ARHGEF16: variants seen among roughly 807,000 people sequenced by gnomAD.
The protein encoded by ARHGEF16 is Rho guanine exchange factor (GEF) 16.
ARHGEF16 carries 59 observed loss-of-function variants against 74.1 expected under a neutral mutation model. The ratio of observed to expected loss-of-function variants is 0.80; its 90% confidence interval spans 0.65 to 0.99. The LOEUF (loss-of-function observed/expected upper bound fraction) is 0.99, where lower values mean the gene tolerates loss of function less well. ARHGEF16 is among the 50% of genes least tolerant of loss of function. The pLI is 0.00. For synonymous variants in ARHGEF16, 415 were observed against 412.6 expected, an observed-to-expected ratio of 1.01 and a Z score of -0.07; for missense variants, 948 against 986.6, an observed-to-expected ratio of 0.96 and a Z score of 0.52.
Position 3,476,070 on chromosome 1 carries a change from G to T in ARHGEF16, c.1473+8G>T. 1 of 1,549,648 alleles carries T rather than the reference G, an allele frequency of 6.5e-7. No individual in the cohort carries two copies. The highest frequency in any genetic ancestry group is 8.7e-7 in the Non-Finnish European group (1 of 1,146,454). On this transcript the variant is annotated splice_region_variant and intron_variant, in intron 10 of 14. Coordinates refer to ENST00000378378, the MANE Select transcript of ARHGEF16 (RefSeq NM_014448.4). ...GACTTCAGCAAGGTCAAGGTAGGTG[G>T]CCCCGGACATCAGGGCCACTCGGAC...
Position 3,480,497 on chromosome 1 carries a change from C to T in ARHGEF16, c.2040C>T (p.Pro680=), listed in dbSNP as rs368681773. The change falls in exon 15 of 15, where the codon CCC becomes CCT. Residue 680 remains proline, a synonymous_variant. Coordinates refer to ENST00000378378, the MANE Select transcript of ARHGEF16 (RefSeq NM_014448.4). ...GGGACGGAGAGACGGGATGGTTCCC[C>T]GAGGACTTTGCCCGCTTCATCACCA... ...RLRDGETGWF[P]EDFARFITSR... The T allele has an allele frequency of 1.1e-5, 18 of 1,612,492 alleles. No individual in the cohort carries two copies. Among genetic ancestry groups the T allele is most frequent in the African/African-American group, 4.0e-5 (3 of 74,948 alleles).
Position 3,478,586 on chromosome 1 carries a change from G to A in ARHGEF16, c.1788G>A (p.Glu596=). ...TTCGCAACAGCGAGGGCCGCCAGGAGCAGCTCCTGCTCTCCTCGGACTCCG... is the reference window on the plus strand; with the variant it reads ...TTCGCAACAGCGAGGGCCGCCAGGAACAGCTCCTGCTCTCCTCGGACTCCG... The part of the protein sequence containing the change: ...TLLRNSEGRQ[E]QLLLSSDSAS... The change falls in exon 12 of 15, where the codon GAG becomes GAA. Residue 596 remains glutamate (E), a synonymous_variant. Transcript: ENST00000378378. 2.5e-6 allele frequency: 4 copies of A among 1,611,996 alleles called. No individual in the cohort carries two copies. The highest frequency in any genetic ancestry group is 3.4e-6 in the Non-Finnish European group (4 of 1,179,546).
intron 1 of ARHGEF16, among the ~76,000 whole-genome samples, chr1:3,459,696 C>A (rs1022951272): frequency 6.6e-6 from 1 of 152,150 alleles, no homozygotes; most frequent in African/African-American, 2.4e-5. Context: ...ATGGCAGAGA[C>A]GCCAGAACAC....
intron 8 of ARHGEF16, 24 bp from the exon 9 acceptor site, chr1:3,474,684 G>A: frequency 6.2e-7 from 1 of 1,608,506 alleles, no homozygotes; most frequent in South Asian, 1.1e-5. Context: ...GGGACTTTCT[G>A]TCCCATGTCT....
intron 9 of ARHGEF16, 33 bp downstream of exon 9, chr1:3,474,815 GT>G: frequency 6.2e-7 from 1 of 1,604,652 alleles, no homozygotes; most frequent in Non-Finnish European, 8.5e-7. Flanking sequence ...CCCTACCCGA[GT>G]CCTGTACCCC....
Position 3,474,709 on chromosome 1 carries a change from C to A in ARHGEF16, c.1307C>A (p.Thr436Lys). 6.2e-7 allele frequency: 1 copy of A among 1,612,692 alleles called. No individual in the cohort carries two copies. Among genetic ancestry groups the A allele is most frequent in the Non-Finnish European group, 8.5e-7 (1 of 1,179,798 alleles). Reference protein sequence around the residue: ...RVTRLPLLMDTLCLKTQGHSE... With the variant: ...RVTRLPLLMDKLCLKTQGHSE... Reference sequence around the variant, plus strand: ...GTCCCATGTCTGTTGTCCATCCAGACGCTCTGCCTCAAGACCCAGGGCCAC... The same window carrying A: ...GTCCCATGTCTGTTGTCCATCCAGAAGCTCTGCCTCAAGACCCAGGGCCAC... The change falls in exon 9 of 15, where the codon ACG becomes AAG. Residue 436 changes from threonine (T) to lysine (K), a missense_variant and splice_region_variant. Transcript: ENST00000378378.
chr1:3,455,398 C>A (rs1222959469), intron 1 of ARHGEF16, among the ~76,000 whole-genome samples: 1 of 152,028 alleles, frequency 6.6e-6, no homozygotes, highest in East Asian at 1.9e-4. Context: ...CAGGGAGGGA[C>A]CTGCTTTGTC....
intron 6 of ARHGEF16, among the ~76,000 whole-genome samples, chr1:3,472,446 C>A (rs1319716155): frequency 6.6e-6 from 1 of 152,236 alleles, no homozygotes; most frequent in Non-Finnish European, 1.5e-5. Flanking sequence ...GCTGGCCCCC[C>A]CCCGGCCTTG....
In ARHGEF16 at chr1:3,479,924, G is replaced by A. The variant is rs1411560639; in HGVS notation, c.1990+11G>A. 3.1e-6 allele frequency: 5 copies of A among 1,611,600 alleles called. No individual in the cohort carries two copies. In the South Asian group the frequency reaches 4.4e-5, roughly 14 times the overall value. On this transcript the variant is annotated intron_variant, in intron 14 of 14. Transcript: ENST00000378378. ...TGCAGCAGGAGGATGGTGAGTGCAG[G>A]GGCGTTGGGCACAGATGGGTGGGAA... is the stretch of plus-strand genomic sequence containing the variant.
intron 6 of ARHGEF16, chr1:3,471,864 C>T: frequency 9.7e-7 from 1 of 1,029,454 alleles, no homozygotes. Context: ...TGCTGACCGG[C>T]CTGGCCGGCC....
chr1:3,474,708 A>G lies in ARHGEF16; in HGVS notation c.1306A>G (p.Thr436Ala). ...TGTCCCATGTCTGTTGTCCATCCAGACGCTCTGCCTCAAGACCCAGGGCCA... is the reference window on the plus strand; with the variant it reads ...TGTCCCATGTCTGTTGTCCATCCAGGCGCTCTGCCTCAAGACCCAGGGCCA... ...RVTRLPLLMD[T>A]LCLKTQGHSE... The change falls in exon 9 of 15, where the codon ACG becomes GCG. Residue 436 changes from threonine (T) to alanine (A), a missense_variant and splice_region_variant. Transcript: ENST00000378378. 1 of 1,612,740 alleles carries G rather than the reference A, an allele frequency of 6.2e-7. No individual in the cohort carries two copies. Among genetic ancestry groups the G allele is most frequent in the Non-Finnish European group, 8.5e-7 (1 of 1,179,856 alleles).
At chr1:3,463,787 G>A (rs950389049) in intron 2 of ARHGEF16, 115 bp downstream of exon 2, 4 of 857,100 alleles carry the variant, frequency 4.7e-6, no homozygotes, top group Non-Finnish European at 6.5e-6. Context: ...GTAAGCACCT[G>A]CTGCATGAGG....
intron 14 of ARHGEF16, 74 bp from the exon 15 acceptor site, chr1:3,480,374 G>T: frequency 6.3e-7 from 1 of 1,584,016 alleles, no homozygotes. Flanking sequence ...GGTGTGCTCA[G>T]GCATAGCAGC....
Position 3,473,247 on chromosome 1 carries a change from G to C in ARHGEF16, c.1175+17G>C. The C allele has an allele frequency of 1.2e-6, 2 of 1,611,052 alleles. No homozygotes were observed. Among genetic ancestry groups the C allele is most frequent in the South Asian group, 2.2e-5 (2 of 90,814 alleles). On this transcript the variant is annotated intron_variant, in intron 7 of 14. Transcript: ENST00000378378. ...GAAGCTGATGTGAGTGGGCGGCCCC[G>C]AGGCCCGCAGGGTGGCTCAGGAGCA... is the stretch of plus-strand genomic sequence containing the variant.
chr1:3,469,390 T>C (rs1441672095), intron 5 of ARHGEF16, 43 bp from the exon 6 acceptor site: 1 of 1,607,102 alleles, frequency 6.2e-7, no homozygotes, highest in South Asian at 1.1e-5. Flanking sequence ...GGCACGCCCG[T>C]GTCCAGCGTC....
intron 6 of ARHGEF16, among the ~76,000 whole-genome samples, chr1:3,470,417 C>T (rs1443200105): frequency 7.6e-6 from 1 of 131,820 alleles, no homozygotes; most frequent in Admixed American, 7.6e-5. Flanking sequence ...AGTGTGTGTG[C>T]ATGGGTGTGG....
chr1:3,460,417 C>G (rs566598535), intron 1 of ARHGEF16, among the ~76,000 whole-genome samples: 15 of 152,298 alleles, frequency 9.8e-5, no homozygotes, highest in African/African-American at 3.4e-4. Flanking sequence ...TGAGACAGTG[C>G]AGGCTGGGGT....
intron 4 of ARHGEF16, among the ~76,000 whole-genome samples, chr1:3,467,907 C>T (rs1241892332): frequency 6.6e-6 from 1 of 152,076 alleles, no homozygotes; most frequent in Non-Finnish European, 1.5e-5. Context: ...GTGGGCGTGG[C>T]GGGCAGCGGG....
intron 10 of ARHGEF16, among the ~76,000 whole-genome samples, chr1:3,476,788 A>G (rs1639887977): frequency 6.7e-6 from 1 of 149,898 alleles, no homozygotes; most frequent in Non-Finnish European, 1.5e-5. Context: ...ACTCAGGGCC[A>G]CGGACAACCA....
Sources: allele counts gnomAD v4.1 joint callset (sites outside exome capture counted in the v4.1 genomes callset), GRCh38; gene constraint gnomAD v4.1.1; transcripts MANE v1.5; gene names NCBI Gene and HGNC (gene_info 2026-07-23, HGNC 2026-07-21).